The following PDZD2 variants were observed in gnomAD, a reference collection of about 807,000 sequenced individuals.
PDZD2 encodes PDZ domain containing 2, also known as PDZ domain-containing protein 2.
PDZD2 carries 90 observed loss-of-function variants against 220.7 expected under a neutral mutation model. That is an observed-to-expected ratio of 0.41 (90% confidence interval 0.34 to 0.49). The LOEUF (loss-of-function observed/expected upper bound fraction) is 0.49, where lower values mean the gene tolerates loss of function less well. Among genes scored for constraint, PDZD2 ranks in the 20% least tolerant of loss-of-function variants. PDZD2 has a pLI of 0.28. For missense variants in PDZD2, 3,174 were observed against 3,608.5 expected, an observed-to-expected ratio of 0.88 and a Z score of 3.08; for synonymous variants, 1,375 against 1,450.5, an observed-to-expected ratio of 0.95 and a Z score of 1.18.
At position 32,109,734 on chromosome 5, in the gene PDZD2, C is replaced by T. The variant is rs1745194666; in HGVS notation, c.*1599C>T. ...TGTTGGAGATACTTCTTTAAATAAC[C>T]TACAGCTTGGGTCTATGGCTGTGAC... On this transcript the variant is annotated 3_prime_UTR_variant, in exon 25 of 25. Coordinates refer to ENST00000438447, the MANE Select transcript of PDZD2 (RefSeq NM_178140.4). 1 of 152,326 alleles carries T rather than the reference C, an allele frequency of 6.6e-6. No homozygotes were observed. The highest frequency in any genetic ancestry group is 1.5e-5 in the Non-Finnish European group (1 of 68,050). The allele number at this position is 152,326 out of a possible 1,614,324, so 9.4% of individuals were successfully genotyped here.
intron 1 of PDZD2, among the ~76,000 whole-genome samples, chr5:31,696,341 C>T (rs182538613): frequency 6.6e-6 from 1 of 152,254 alleles, no homozygotes; most frequent in Admixed American, 6.5e-5. Flanking sequence ...ACTCTGTCCC[C>T]CAGGTTGTAG....
At chr5:32,082,321 CA>C (rs1742052494) in intron 19 of PDZD2, among the ~76,000 whole-genome samples, 1 of 152,018 alleles carries the variant, frequency 6.6e-6, no homozygotes, top group Admixed American at 6.6e-5. Flanking sequence ...TGCGCCTAGC[CA>C]AAACATATCT....
intron 1 of PDZD2, among the ~76,000 whole-genome samples, chr5:31,664,343 ATT>A (rs1207192389): frequency 1.3e-5 from 2 of 151,986 alleles, no homozygotes; most frequent in Non-Finnish European, 2.9e-5. Context: ...ACAAAAAATC[ATT>A]TCTCTCTCAC....
intron 6 of PDZD2, among the ~76,000 whole-genome samples, chr5:32,019,888 G>A (rs1295456107): frequency 2.0e-5 from 3 of 151,838 alleles, no homozygotes; most frequent in East Asian, 1.9e-4. Flanking sequence ...CTGTCTTTGC[G>A]CATTTCATTA....
chr5:31,890,889 T>C (rs1422223240), intron 2 of PDZD2, among the ~76,000 whole-genome samples: 2 of 152,216 alleles, frequency 1.3e-5, no homozygotes, highest in South Asian at 2.1e-4. Context: ...AGACTTGTGG[T>C]CCTAGTCTAT....
intron 5 of PDZD2, among the ~76,000 whole-genome samples, chr5:32,004,114 C>G (rs1457922583): frequency 1.4e-5 from 2 of 148,038 alleles, no homozygotes; most frequent in Non-Finnish European, 3.0e-5. Flanking sequence ...GGTGGGGGGG[C>G]CACTTATGGG....
chr5:31,952,845 AG>A (rs2111624916), intron 2 of PDZD2, among the ~76,000 whole-genome samples: 1 of 152,292 alleles, frequency 6.6e-6, no homozygotes, highest in East Asian at 1.9e-4. Context: ...GGATCACCTG[AG>A]GTCAGGAATT....
chr5:32,061,232 G>A (rs1473965621), intron 14 of PDZD2, 98 bp downstream of exon 14: 5 of 1,173,010 alleles, frequency 4.3e-6, no homozygotes, highest in Non-Finnish European at 5.0e-6. Context: ...CTGGGGATAG[G>A]CAGGCAACCT....
intron 2 of PDZD2, among the ~76,000 whole-genome samples, chr5:31,932,441 C>G (rs1238550805): frequency 6.6e-6 from 1 of 151,848 alleles, no homozygotes; most frequent in Non-Finnish European, 1.5e-5. Flanking sequence ...CCCAGGTACC[C>G]GGGAGGCTGA....
At chr5:31,932,565 AAAGAAAG>A (rs1400878333) in intron 2 of PDZD2, among the ~76,000 whole-genome samples, 1 of 150,220 alleles carries the variant, frequency 6.7e-6, no homozygotes, top group East Asian at 1.9e-4. Flanking sequence ...AGAAAGAAAG[AAAGAAAG>A]AAAGAAAGAA....
At chr5:31,775,092 G>C (rs1752561412) in intron 1 of PDZD2, among the ~76,000 whole-genome samples, 1 of 152,176 alleles carries the variant, frequency 6.6e-6, no homozygotes, top group Non-Finnish European at 1.5e-5. Context: ...ACTACATTTT[G>C]TTTTCTAATT....
chr5:31,998,042 T>A (rs991197025), intron 4 of PDZD2, among the ~76,000 whole-genome samples: 10 of 152,096 alleles, frequency 6.6e-5, no homozygotes, highest in Admixed American at 2.6e-4. Context: ...GGGGTTTCAC[T>A]GTGTTGGCCA....
intron 2 of PDZD2, among the ~76,000 whole-genome samples, chr5:31,958,455 T>C (rs1443779432): frequency 6.6e-6 from 1 of 152,104 alleles, no homozygotes; most frequent in Non-Finnish European, 1.5e-5. Flanking sequence ...GGTTTCATCA[T>C]GTTGGCCAGG....
At chr5:31,758,745 A>C (rs1383814984) in intron 1 of PDZD2, among the ~76,000 whole-genome samples, 1 of 152,036 alleles carries the variant, frequency 6.6e-6, no homozygotes, top group Non-Finnish European at 1.5e-5. Context: ...TTCCATCTTC[A>C]TTCTCCAGAG....
chr5:32,097,153 G>A (rs1743796559), intron 21 of PDZD2, 126 bp from the exon 22 acceptor site: 2 of 670,180 alleles, frequency 3.0e-6, no homozygotes, highest in Admixed American at 2.4e-5. Flanking sequence ...TAGGGCCTGT[G>A]GTGAAAAGCC....
intron 8 of PDZD2, among the ~76,000 whole-genome samples, chr5:32,049,244 C>T (rs1738280708): frequency 6.6e-6 from 1 of 152,142 alleles, no homozygotes; most frequent in East Asian, 1.9e-4. Flanking sequence ...GCATGAGGGC[C>T]GCTCCTCCAT....
At chr5:31,823,081 GT>G in intron 2 of PDZD2, 1 of 880,630 alleles carries the variant, frequency 1.1e-6, no homozygotes, top group South Asian at 1.3e-5. Flanking sequence ...TCCCTTTAGA[GT>G]AATATTGACA....
At chr5:31,977,158 C>T (rs1322867091) in intron 2 of PDZD2, among the ~76,000 whole-genome samples, 1 of 152,000 alleles carries the variant, frequency 6.6e-6, no homozygotes, top group East Asian at 1.9e-4. Flanking sequence ...GCGTCTGGCC[C>T]CAAGTTACTT....
At chr5:31,896,998 TG>T (rs1334964499) in intron 2 of PDZD2, among the ~76,000 whole-genome samples, 2 of 151,954 alleles carry the variant, frequency 1.3e-5, no homozygotes, top group African/African-American at 4.8e-5. Context: ...ACTTTACAGC[TG>T]AAAGCGCAAT....
Sources: allele counts gnomAD v4.1 joint callset (sites outside exome capture counted in the v4.1 genomes callset), GRCh38; gene constraint gnomAD v4.1.1; transcripts MANE v1.5; gene names NCBI Gene and HGNC (gene_info 2026-07-23, HGNC 2026-07-21).